Variants in HERC2 observed in about 807,000 individuals in gnomAD.
The protein encoded by HERC2 is HECT and RLD domain containing E3 ubiquitin protein ligase 2.
HERC2 carries 102 observed loss-of-function variants against 537.7 expected under a neutral mutation model. That is an observed-to-expected ratio of 0.19 (90% CI 0.16 to 0.22). HERC2 has a LOEUF of 0.22. HERC2 is among the 10% of genes least tolerant of loss of function. HERC2 has a pLI of 1.00. For synonymous variants in HERC2, 2,224 were observed against 2,466.2 expected (o/e 0.90, Z 2.91); for missense variants, 4,236 against 6,198.2 (o/e 0.68, Z 10.63).
rs141856716 is a variant in HERC2, at chr15:28,283,855, T to C, written c.323-3568A>G. On this transcript the variant is annotated intron_variant, in intron 4 of 92. Coordinates refer to ENST00000261609, the MANE Select transcript of HERC2 (RefSeq NM_004667.6). The stretch of plus-strand genomic sequence containing the variant: ...AACACCAGGTACAATCTGATAAGTG[T>C]TCATATATACACAGGTTGAGTGTCC... Among the ~76,000 whole-genome samples the C allele has an allele frequency of 4.9e-4, 75 of 152,310 alleles. No homozygotes were observed. The East Asian group carries it at 0.01, about 20-fold the overall frequency.
In HERC2 at chr15:28,198,330, G is replaced by A. The variant is rs201179213; in HGVS notation, c.8011+48C>T. On this transcript the variant is annotated intron_variant, in intron 50 of 92. Coordinates refer to ENST00000261609, the MANE Select transcript of HERC2 (RefSeq NM_004667.6). ...AAAAAGAAATACTAAGTACACATGC[G>A]TTAATGAAAAGTTAACATCAGGAAT... 3.7e-5 allele frequency: 59 copies of A among 1,587,812 alleles called. 2 individuals are homozygous for A. Among genetic ancestry groups the A allele is most frequent in the Admixed American group, 1.2e-4 (7 of 58,436 alleles).
chr15:28,290,450 A>C (rs963804682), intron 4 of HERC2, among the ~76,000 whole-genome samples: 4 of 152,088 alleles, frequency 2.6e-5, no homozygotes, highest in African/African-American at 7.2e-5. Flanking sequence ...GGCTGGTCTC[A>C]AACTCCTGAC....
intron 2 of HERC2, among the ~76,000 whole-genome samples, chr15:28,313,974 G>C (rs2077013751): frequency 6.6e-6 from 1 of 152,150 alleles, no homozygotes; most frequent in Non-Finnish European, 1.5e-5. Flanking sequence ...GAACCTCAAA[G>C]GGCCACACAC....
chr15:28,167,575 C>A (rs952829064), intron 68 of HERC2, 112 bp downstream of exon 68: 1 of 1,305,614 alleles, frequency 7.7e-7, no homozygotes, highest in African/African-American at 1.5e-5. Context: ...AGTGGACAGC[C>A]GAGGTGAATG....
At chr15:28,215,174 G>C (rs1221850576) in intron 39 of HERC2, among the ~76,000 whole-genome samples, 1 of 152,098 alleles carries the variant, frequency 6.6e-6, no homozygotes, top group African/African-American at 2.4e-5. Flanking sequence ...ACTGCGCCCG[G>C]CCTCTCTTTA....
chr15:28,269,058 A>T (rs896696649), intron 11 of HERC2, among the ~76,000 whole-genome samples, 190 bp downstream of exon 11: 1 of 152,222 alleles, frequency 6.6e-6, no homozygotes, highest in African/African-American at 2.4e-5. Context: ...CACTGTAAGG[A>T]CTTCCTAATC....
At chr15:28,242,789 T>TA (rs897350128) in intron 23 of HERC2, among the ~76,000 whole-genome samples, 5 of 151,820 alleles carry the variant, frequency 3.3e-5, no homozygotes, top group Non-Finnish European at 4.4e-5. Flanking sequence ...CACACATTAA[T>TA]AAAAAAAATA....
At chr15:28,237,980 G>A (rs1050683814) in intron 25 of HERC2, 134 bp downstream of exon 25, 11 of 768,666 alleles carry the variant, frequency 1.4e-5, no homozygotes, top group African/African-American at 5.1e-5. Context: ...AACTTCTAAA[G>A]GATCTTTATA....
intron 85 of HERC2, among the ~76,000 whole-genome samples, 189 bp from the exon 86 acceptor site, chr15:28,121,618 C>A (rs564733949): frequency 1.3e-5 from 2 of 152,188 alleles, no homozygotes; most frequent in Non-Finnish European, 2.9e-5. Flanking sequence ...CAGGGACAGA[C>A]GGCCAGGCAG....
rs1338681878 is a variant in HERC2 at position 28,122,443 on chromosome 15, G to T, written c.13189-1014C>A. Among the ~76,000 whole-genome samples the T allele has an allele frequency of 1.3e-5, 2 of 152,174 alleles. No individual in the cohort carries two copies. The highest frequency in any genetic ancestry group is 1.3e-4 in the Admixed American group (2 of 15,286). On this transcript the variant is annotated intron_variant, in intron 85 of 92. Transcript: ENST00000261609. The surrounding 1 kb of genome is among the most constrained non-coding windows in gnomAD (Gnocchi z 4.1). The stretch of plus-strand genomic sequence containing the variant: ...CCAGCTCAAAGCCTAAGAACTCCAA[G>T]CCCTGAAGGCAGGAGGTGAGGGCCC...
At chr15:28,196,591 C>G (rs763914128) in intron 50 of HERC2, 22 bp from the exon 51 acceptor site, 1 of 1,370,942 alleles carries the variant, frequency 7.3e-7, no homozygotes, top group Non-Finnish European at 1.0e-6. Flanking sequence ...CAGAAATCAC[C>G]TGATCCATCT....
At chr15:28,172,833 C>T (rs932837175) in intron 65 of HERC2, among the ~76,000 whole-genome samples, 3 of 152,200 alleles carry the variant, frequency 2.0e-5, no homozygotes, top group Admixed American at 2.0e-4. Context: ...ACAAGCCACA[C>T]TGACAGAAAA....
At chr15:28,161,120 C>A (rs576641728) in intron 69 of HERC2, among the ~76,000 whole-genome samples, 5 of 152,264 alleles carry the variant, frequency 3.3e-5, no homozygotes, top group Admixed American at 2.6e-4. Flanking sequence ...AACTCTGCTG[C>A]GCTTTCAAGA....
At chr15:28,169,313 A>C (rs1345422162) in intron 66 of HERC2, among the ~76,000 whole-genome samples, 171 bp downstream of exon 66, 1 of 152,254 alleles carries the variant, frequency 6.6e-6, no homozygotes, top group Non-Finnish European at 1.5e-5. Context: ...ATTAAGACAC[A>C]CACTAAGATA....
intron 4 of HERC2, among the ~76,000 whole-genome samples, chr15:28,282,966 A>AGGGATGGGAT (rs199907206): frequency 2.2e-5 from 3 of 139,232 alleles, no homozygotes; most frequent in African/African-American, 8.2e-5. Context: ...AGGGACAGGA[A>AGGGATGGGAT]GGGATGGGAC....
intron 4 of HERC2, among the ~76,000 whole-genome samples, chr15:28,284,787 T>C (rs1335531767): frequency 1.3e-5 from 2 of 151,680 alleles, no homozygotes; most frequent in Non-Finnish European, 2.9e-5. Flanking sequence ...TGATGGCAGA[T>C]GCCTATAATC....
intron 44 of HERC2, among the ~76,000 whole-genome samples, chr15:28,210,278 C>T (rs1334123921): frequency 2.6e-5 from 4 of 152,120 alleles, no homozygotes; most frequent in South Asian, 2.1e-4. Context: ...GAACTACAGG[C>T]GTCCGCCACC....
Position 28,141,747 on chromosome 15 carries a change from C to A in HERC2, c.11800G>T (p.Val3934Leu). The change falls in exon 77 of 93, where the codon GTG (valine) becomes TTG (leucine). Residue 3934 changes from valine to leucine, a missense_variant. By Grantham distance (32) the Val-to-Leu change is conservative (BLOSUM62 1). Transcript: ENST00000261609. ...IFKREQDEQL[V>L]QWMNRRPDDW... Reference sequence around the variant, plus strand: ...TATAATAACCTGTTCATCCACTGCACAAGTTGTTCGTCTTGCTCTCTTTTA... The same window carrying A: ...TATAATAACCTGTTCATCCACTGCAAAAGTTGTTCGTCTTGCTCTCTTTTA... The A allele has an allele frequency of 6.2e-7, 1 of 1,614,094 alleles. No homozygotes were observed. The highest frequency in any genetic ancestry group is 2.2e-5 in the East Asian group (1 of 44,880).
At chr15:28,200,594 G>C (rs1368610994) in intron 48 of HERC2, among the ~76,000 whole-genome samples, 2 of 152,122 alleles carry the variant, frequency 1.3e-5, no homozygotes, top group East Asian at 3.9e-4. Context: ...ACTCTAGCTT[G>C]GAATAGACGT....
Sources: gnomAD v4.1 joint callset for allele counts (sites outside exome capture counted in the v4.1 genomes callset) on GRCh38, gnomAD v4.1.1 for gene constraint, Gnocchi (gnomAD v3.1) non-coding constraint, MANE v1.5 for transcripts, NCBI Gene and HGNC (gene_info 2026-07-23, HGNC 2026-07-21) for gene names.